C10orf53: variants seen among roughly 807,000 people sequenced by gnomAD.
C10orf53 encodes UPF0728 protein C10orf53.
A neutral mutation model predicts 9.4 loss-of-function variants in C10orf53; 8 were observed. The observed-to-expected ratio is 0.85, with a 90% CI of 0.50 to 1.53. The LOEUF is 1.53. C10orf53 is among the 40% of genes most tolerant of loss of function. C10orf53 has a pLI of 0.00. For synonymous variants in C10orf53, 48 were observed against 46.0 expected, an observed-to-expected ratio of 1.04 and a Z score of -0.18; for missense variants, 117 against 117.8, an observed-to-expected ratio of 0.99 and a Z score of 0.03.
downstream of C10orf53, among the ~76,000 whole-genome samples, chr10:49,699,367 T>A (rs766412090): frequency 2.0e-5 from 3 of 151,532 alleles, no homozygotes; most frequent in Non-Finnish European, 2.9e-5. Flanking sequence ...ATACTTTTTC[T>A]TATTTTTTGG....
exon 3 of C10orf53, chr10:49,708,501 T>G (rs763589637): frequency 1.5e-5 from 25 of 1,614,090 alleles, no homozygotes; most frequent in Non-Finnish European, 9.3e-6. Context: ...TTGTACTGTA[T>G]TGGCCCAGAT....
rs1301202541 is a variant in C10orf53, at chr10:49,696,768, G to A, written c.*2166G>A. ...TCTGAGCAGTGGGATTGGGGGGTGT[G>A]GGGGGCAGGTGAGGTAGAGGGAGGA... On this transcript the variant is annotated 3_prime_UTR_variant, in exon 3 of 3. Transcript: ENST00000374111. Among the ~76,000 whole-genome samples, 1 of 152,118 alleles carries A rather than the reference G, an allele frequency of 6.6e-6. No homozygotes were observed. The highest frequency in any genetic ancestry group is 1.5e-5 in the Non-Finnish European group (1 of 68,028).
rs558977264 is a variant in C10orf53, at chr10:49,688,714, C to T, written c.98-5060C>T. 2.2e-3 allele frequency among the ~76,000 whole-genome samples: 328 copies of T among 151,926 alleles called. 4 individuals carry two copies. The highest frequency in any genetic ancestry group is 7.3e-3 in the African/African-American group (304 of 41,442). Reference sequence around the variant, plus strand: ...CCACCTCCTGCAGTCCTTCAATGATCCTAGCCAGCTCCCACCTCAGGGCTT... The same window carrying T: ...CCACCTCCTGCAGTCCTTCAATGATTCTAGCCAGCTCCCACCTCAGGGCTT... On this transcript the variant is annotated intron_variant, in intron 1 of 2. Transcript: ENST00000374111.
rs959536199 is a variant in C10orf53, at chr10:49,679,812, G to T, written c.97+18G>T. On this transcript the variant is annotated intron_variant, in intron 1 of 2. Transcript: ENST00000374111. ...CCTGCAAGGTGGGCCTCCTCGCCGC[G>T]TGCGCCCCTGAGGGCCCCAGCCTCT... The T allele has an allele frequency of 1.3e-6, 2 of 1,525,010 alleles. No homozygotes were observed. Among genetic ancestry groups the T allele is most frequent in the Non-Finnish European group, 1.8e-6 (2 of 1,137,802 alleles). 94.5% of individuals were successfully genotyped at this position (1,525,010 alleles called of 1,614,324 possible). A position where few individuals can be genotyped will look rare whatever the true frequency, so the allele number is the denominator to read the frequency against.
At chr10:49,683,000 C>T (rs185004232) in intron 1 of C10orf53, among the ~76,000 whole-genome samples, 66 of 152,334 alleles carry the variant, frequency 4.3e-4, no homozygotes, top group Admixed American at 3.9e-3. Context: ...GTTGTTTCCA[C>T]CTTTCCGCTA....
rs117448460 is a variant in C10orf53 at position 49,693,194 on chromosome 10, C to T, written c.98-580C>T. Among the ~76,000 whole-genome samples the T allele has an allele frequency of 7.4e-3, 1,119 of 152,188 alleles. 11 individuals are homozygous for T. The highest frequency in any genetic ancestry group is 0.012 in the Non-Finnish European group (845 of 68,010). ...ATGGACATTCCACCGTTTATTTGGC[C>T]GTCCTCTCATTATTGGATATGTAAG... On this transcript the variant is annotated intron_variant, in intron 1 of 2. Transcript: ENST00000374111.
At chr10:49,707,009 ATGT>A (rs1840726683) in intron 2 of C10orf53, among the ~76,000 whole-genome samples, 1 of 152,230 alleles carries the variant, frequency 6.6e-6, no homozygotes, top group Non-Finnish European at 1.5e-5. Context: ...CTTTACTCCT[ATGT>A]TGTTTGATTT....
chr10:49,703,076 C>T (rs1290940109), intron 2 of C10orf53, among the ~76,000 whole-genome samples: 1 of 152,156 alleles, frequency 6.6e-6, no homozygotes, highest in Non-Finnish European at 1.5e-5. Context: ...ACTTATTCTA[C>T]ACCTCTCGTG....
chr10:49,700,667 CTT>C (rs1279598127), downstream of C10orf53, among the ~76,000 whole-genome samples: 1 of 152,156 alleles, frequency 6.6e-6, no homozygotes, highest in Non-Finnish European at 1.5e-5. Flanking sequence ...GATGTCAACT[CTT>C]TTGCTAGATC....
chr10:49,699,372 T>C (rs796647858), downstream of C10orf53, among the ~76,000 whole-genome samples: 21 of 151,632 alleles, frequency 1.4e-4, no homozygotes, highest in African/African-American at 4.1e-4. Flanking sequence ...TTTTCTTATT[T>C]TTTGGTAGAG....
At chr10:49,698,190 T>C (rs964989940), downstream of C10orf53, among the ~76,000 whole-genome samples, 5 of 152,142 alleles carry the variant, frequency 3.3e-5, no homozygotes, top group African/African-American at 7.2e-5. Context: ...TTTGGTAGAC[T>C]GAGGTGGGAG....
intron 1 of C10orf53, among the ~76,000 whole-genome samples, chr10:49,688,624 A>C (rs1264616355): frequency 6.9e-4 from 48 of 69,446 alleles, no homozygotes; most frequent in Admixed American, 1.6e-3. Context: ...CCCTGATCTC[A>C]CCCCCTCATC....
At position 49,679,672 on chromosome 10, in the gene C10orf53, G is replaced by C. The variant is rs779398271; in HGVS notation, c.-26G>C. On this transcript the variant is annotated 5_prime_UTR_variant, in exon 1 of 3. Transcript: ENST00000374111. ...GCTTAGCAGCGTGTGTTTCTCCCTT[G>C]CCTCTGCGGCGGCGGAGGCCTGGCG... 1.9e-6 allele frequency: 3 copies of C among 1,543,594 alleles called. No homozygotes were observed. The highest frequency in any genetic ancestry group is 2.6e-6 in the Non-Finnish European group (3 of 1,143,878).
At chr10:49,703,717 C>T (rs1016692979) in intron 2 of C10orf53, among the ~76,000 whole-genome samples, 4 of 152,188 alleles carry the variant, frequency 2.6e-5, no homozygotes, top group Non-Finnish European at 5.9e-5. Flanking sequence ...ATCATAACTC[C>T]TTCCTCCCGC....
intron 1 of C10orf53, among the ~76,000 whole-genome samples, chr10:49,681,421 C>T (rs935436139): frequency 2.0e-5 from 3 of 152,136 alleles, no homozygotes; most frequent in African/African-American, 7.2e-5. Flanking sequence ...GGAAAGCCTC[C>T]TGGAAGAGAT....
chr10:49,707,173 C>G (rs768733559), intron 2 of C10orf53, among the ~76,000 whole-genome samples: 1 of 152,142 alleles, frequency 6.6e-6, no homozygotes, highest in Non-Finnish European at 1.5e-5. Flanking sequence ...TCTGCTAATC[C>G]TCACAAGAGC....
rs1431422176 is a variant in C10orf53 at position 49,695,340 on chromosome 10, G to A, written c.*738G>A. The A allele has an allele frequency of 1.3e-5, 2 of 152,146 alleles. No homozygotes were observed. The highest frequency in any genetic ancestry group is 2.4e-5 in the African/African-American group (1 of 41,410). 9.4% of individuals were successfully genotyped at this position (152,146 alleles called of 1,614,324 possible). On this transcript the variant is annotated 3_prime_UTR_variant, in exon 3 of 3. Coordinates refer to ENST00000374111, the MANE Select transcript of C10orf53 (RefSeq NM_001042427.3). ...GTTCAGTGTGAAAATCAGTCATGTC[G>A]AAATGATATTTTTACTTTCCACTCT... is the stretch of plus-strand genomic sequence containing the variant.
intron 1 of C10orf53, among the ~76,000 whole-genome samples, chr10:49,685,035 C>A (rs1202258263): frequency 6.6e-6 from 1 of 152,162 alleles, no homozygotes. Flanking sequence ...CCCAAGACTG[C>A]AACATAGAAA....
chr10:49,683,776 G>A (rs1283940184), intron 1 of C10orf53, among the ~76,000 whole-genome samples: 1 of 152,086 alleles, frequency 6.6e-6, no homozygotes. Flanking sequence ...CGCACCTGTA[G>A]TCCCAGCTAC....
Sources: gnomAD v4.1 joint callset for allele counts (sites outside exome capture counted in the v4.1 genomes callset) on GRCh38, gnomAD v4.1.1 for gene constraint, MANE v1.5 for transcripts, NCBI Gene and HGNC (gene_info 2026-07-23, HGNC 2026-07-21) for gene names.